Variants in MTSS1 observed in about 807,000 individuals in gnomAD.
MTSS1 encodes the protein protein MTSS 1.
Under a neutral mutation model 79.0 loss-of-function variants are expected in MTSS1, and 18 were observed. That is an observed-to-expected ratio of 0.23 (90% CI 0.16 to 0.34). The LOEUF is 0.34. MTSS1 is among the 10% of genes least tolerant of loss of function. The pLI is 1.00. For synonymous variants in MTSS1, 341 were observed against 368.6 expected (o/e 0.93, Z 0.86); for missense variants, 815 against 986.2 (o/e 0.83, Z 2.33).
At chr8:124,724,517 A>G (rs1300921599) in intron 1 of MTSS1, among the ~76,000 whole-genome samples, 1 of 152,330 alleles carries the variant, frequency 6.6e-6, no homozygotes, top group East Asian at 1.9e-4. Context: ...CAGCAGGCCC[A>G]GTTCAGCTCT....
In MTSS1 at chr8:124,555,859, A is replaced by ACAGGGC; in HGVS notation, c.1444_1449dup (p.Ala482_Leu483dup). 4 of 1,612,336 alleles carry ACAGGGC rather than the reference A, an allele frequency of 2.5e-6. No individual in the cohort carries two copies. The highest frequency in any genetic ancestry group is 3.4e-6 in the Non-Finnish European group (4 of 1,179,972). ...TGGGTGTCCAGCTGCAGGCCCCGAGACAGGGCCAGGGCCAGCTCCTCACAA... is the reference window on the plus strand; with the variant it reads ...TGGGTGTCCAGCTGCAGGCCCCGAGACAGGGCCAGGGCCAGGGCCAGCTCCTCACAA... On this transcript the variant is annotated inframe_insertion, in exon 13 of 14. Coordinates refer to ENST00000518547, the MANE Select transcript of MTSS1 (RefSeq NM_014751.6).
chr8:124,619,227 C>T (rs767281236), intron 3 of MTSS1: 2 of 152,184 alleles, frequency 1.3e-5, no homozygotes, highest in South Asian at 2.1e-4. Context: ...CTTGCTCCTG[C>T]TTACCTCCCA....
chr8:124,658,594 G>A (rs1821416467), intron 3 of MTSS1, among the ~76,000 whole-genome samples: 2 of 152,190 alleles, frequency 1.3e-5, no homozygotes, highest in South Asian at 4.1e-4. Context: ...TTCTGGGGAG[G>A]TCTCAGGGAA....
intron 10 of MTSS1, among the ~76,000 whole-genome samples, chr8:124,560,640 G>C (rs1019360369): frequency 6.6e-6 from 1 of 152,132 alleles, no homozygotes; most frequent in African/African-American, 2.4e-5. Context: ...AACAGAGTGA[G>C]ACCCTGTCTC....
At chr8:124,700,282 A>AAT (rs1015928931) in intron 2 of MTSS1, among the ~76,000 whole-genome samples, 40 of 152,122 alleles carry the variant, frequency 2.6e-4, no homozygotes, top group South Asian at 1.5e-3. Context: ...GTAGGAAAGC[A>AAT]ATATATATAT....
chr8:124,632,934 G>A (rs948622945), intron 3 of MTSS1, among the ~76,000 whole-genome samples: 1 of 152,078 alleles, frequency 6.6e-6, no homozygotes, highest in African/African-American at 2.4e-5. Flanking sequence ...TCCCAAAGTG[G>A]TGGGATTACA....
intron 6 of MTSS1, among the ~76,000 whole-genome samples, chr8:124,575,199 T>G (rs1828730804): frequency 6.6e-6 from 1 of 152,194 alleles, no homozygotes; most frequent in Non-Finnish European, 1.5e-5. Flanking sequence ...CTTCTACTCT[T>G]AATAACCCAC....
chr8:124,593,423 A>G (rs1435760758), intron 3 of MTSS1, among the ~76,000 whole-genome samples: 2 of 152,246 alleles, frequency 1.3e-5, no homozygotes, highest in Admixed American at 6.5e-5. Flanking sequence ...TAACCTGCGG[A>G]AATGATTAAG....
At chr8:124,568,185 G>T in intron 7 of MTSS1, 194 bp downstream of exon 7, 1 of 705,800 alleles carries the variant, frequency 1.4e-6, no homozygotes, top group Non-Finnish European at 2.2e-6. Flanking sequence ...GGGAACAAGT[G>T]GTACTAGAAC....
At chr8:124,680,585 T>C (rs1487917719) in intron 3 of MTSS1, among the ~76,000 whole-genome samples, 2 of 152,236 alleles carry the variant, frequency 1.3e-5, no homozygotes, top group Non-Finnish European at 2.9e-5. Flanking sequence ...ATAACATTTC[T>C]ACAGCACTAA....
chr8:124,560,309 C>G (rs1340568090), intron 10 of MTSS1, among the ~76,000 whole-genome samples: 1 of 152,080 alleles, frequency 6.6e-6, no homozygotes, highest in East Asian at 1.9e-4. Flanking sequence ...CTGCTTGAGG[C>G]TAGGAATTGG....
chr8:124,687,997 AC>A (rs1827260767), intron 3 of MTSS1, among the ~76,000 whole-genome samples: 1 of 152,078 alleles, frequency 6.6e-6, no homozygotes, highest in Non-Finnish European at 1.5e-5. Context: ...GGGAAGTACC[AC>A]CCGGGCGGCT....
At chr8:124,693,344 G>A (rs1057498783) in intron 3 of MTSS1, among the ~76,000 whole-genome samples, 1 of 152,182 alleles carries the variant, frequency 6.6e-6, no homozygotes, top group African/African-American at 2.4e-5. Flanking sequence ...ACATCTCCTG[G>A]AAAGCTTTTC....
rs1194341191 is a variant in MTSS1, at chr8:124,597,985, C to A, written c.209-6750G>T. Among the ~76,000 whole-genome samples the A allele has an allele frequency of 6.6e-6, 1 of 152,138 alleles. No homozygotes were observed. Among genetic ancestry groups the A allele is most frequent in the Non-Finnish European group, 1.5e-5 (1 of 68,026 alleles). ...ATCATTTTTTGTTATCAATAATGAC[C>A]ATTTTGGGCCAGGCATGATGGCCAT... On this transcript the variant is annotated intron_variant, in intron 3 of 13. Transcript: ENST00000518547. The surrounding 1 kb of genome is among the most constrained non-coding windows in gnomAD (Gnocchi z 4.6).
intron 3 of MTSS1, among the ~76,000 whole-genome samples, chr8:124,647,893 T>A (rs1819281632): frequency 6.6e-6 from 1 of 152,216 alleles, no homozygotes; most frequent in Admixed American, 6.5e-5. Flanking sequence ...CCCCATGGGC[T>A]GTGTGATCCA....
rs573844438 is a variant in MTSS1, at chr8:124,620,903, A to G, written c.209-29668T>C. Among the ~76,000 whole-genome samples the G allele has an allele frequency of 2.9e-4, 44 of 152,382 alleles. No homozygotes were observed. In the South Asian group the frequency reaches 7.0e-3, roughly 24 times the overall value. Reference sequence around the variant, plus strand: ...GAAACAGTATCGTGAATGGCTGGACAGGGAATACAGTTTCTTGCATTAAAC... The same window carrying G: ...GAAACAGTATCGTGAATGGCTGGACGGGGAATACAGTTTCTTGCATTAAAC... On this transcript the variant is annotated intron_variant, in intron 3 of 13. Coordinates refer to ENST00000518547, the MANE Select transcript of MTSS1 (RefSeq NM_014751.6).
In MTSS1 at chr8:124,727,617, G is replaced by C. The variant is rs776292323; in HGVS notation, c.72+267C>G. 195 of 626,752 alleles carry C rather than the reference G, an allele frequency of 3.1e-4. 1 individual carries two copies. The highest frequency in any genetic ancestry group is 3.5e-4 in the Non-Finnish European group (119 of 336,318). 38.8% of individuals were successfully genotyped at this position (626,752 alleles called of 1,614,324 possible). A position where few individuals can be genotyped will look rare whatever the true frequency, so the allele number is the denominator to read the frequency against. ...CAGTGCCTTGAGCCCCCGAGGGAAA[G>C]AAATGGTGCCGCCCCCTGGGACAAT... On this transcript the variant is annotated intron_variant, in intron 1 of 13. Coordinates refer to ENST00000518547, the MANE Select transcript of MTSS1 (RefSeq NM_014751.6). The surrounding 1 kb of genome is among the most constrained non-coding windows in gnomAD (Gnocchi z 4.7).
chr8:124,646,060 G>C (rs1245150229), intron 3 of MTSS1, among the ~76,000 whole-genome samples: 1 of 152,106 alleles, frequency 6.6e-6, no homozygotes, highest in Non-Finnish European at 1.5e-5. Flanking sequence ...TGGACAGTGA[G>C]GGTTTTAAAA....
In MTSS1 at chr8:124,567,100, G is replaced by C. The variant is rs1201295128; in HGVS notation, c.697C>G (p.Pro233Ala). The C allele has an allele frequency of 6.2e-7, 1 of 1,613,996 alleles. No homozygotes were observed. Among genetic ancestry groups the C allele is most frequent in the East Asian group, 2.2e-5 (1 of 44,884 alleles). ...TCACTTGAGGAGGGCAGTTTGTGAG[G>C]GTCCATGGTCAGGCTTTTTAGATCT... Reference protein sequence around the residue: ...SEDLKSLTMDPHKLPSSSEQV... With the variant: ...SEDLKSLTMDAHKLPSSSEQV... The change falls in exon 8 of 14, where the codon CCT becomes GCT. Residue 233 changes from proline to alanine, a missense_variant. Pro to Ala is a conservative substitution (Grantham distance 27). This residue lies in a region of MTSS1 where 225 missense variants were observed against 365.4 expected (regional missense o/e 0.62). Coordinates refer to ENST00000518547, the MANE Select transcript of MTSS1 (RefSeq NM_014751.6).
Sources: allele counts gnomAD v4.1 joint callset (sites outside exome capture counted in the v4.1 genomes callset), GRCh38; gene constraint gnomAD v4.1.1; regional missense constraint gnomAD v4.1.1; non-coding constraint Gnocchi (gnomAD v3.1); transcripts MANE v1.5; gene names NCBI Gene and HGNC (gene_info 2026-07-23, HGNC 2026-07-21).